The following PCDHA9 variants were observed in gnomAD, a reference collection of about 807,000 sequenced individuals.
The protein encoded by PCDHA9 is protocadherin alpha-9.
In PCDHA9, 62 loss-of-function variants were observed where a neutral mutation model predicts 62.0. That is an observed-to-expected ratio of 1.00 (90% CI 0.81 to 1.23). PCDHA9 has a LOEUF of 1.23. PCDHA9 is among the 50% of genes most tolerant of loss of function. The pLI, the probability that PCDHA9 is intolerant of heterozygous loss-of-function variation, is 0.00. For synonymous variants in PCDHA9, 557 were observed against 567.6 expected (o/e 0.98, Z 0.27); for missense variants, 1,205 against 1,249.8 (o/e 0.96, Z 0.54).
At chr5:140,894,066 A>G (rs997633914) in intron 1 of PCDHA9, among the ~76,000 whole-genome samples, 1 of 152,204 alleles carries the variant, frequency 6.6e-6, no homozygotes, top group Admixed American at 6.5e-5. Context: ...ATTTTTAAAT[A>G]CATTTATTTT....
intron 2 of PCDHA9, among the ~76,000 whole-genome samples, chr5:140,981,266 A>C (rs1355658823): frequency 6.6e-6 from 1 of 152,166 alleles, no homozygotes; most frequent in Non-Finnish European, 1.5e-5. Context: ...AAGATAAGCA[A>C]ATGTCTAGTT....
chr5:140,890,096 C>T (rs967857035), intron 1 of PCDHA9, among the ~76,000 whole-genome samples: 1 of 152,124 alleles, frequency 6.6e-6, no homozygotes, highest in Non-Finnish European at 1.5e-5. Flanking sequence ...AAATTTATTC[C>T]CAACTCTGGA....
intron 1 of PCDHA9, among the ~76,000 whole-genome samples, chr5:140,894,303 A>G (rs1386163832): frequency 2.0e-5 from 3 of 151,922 alleles, no homozygotes; most frequent in Admixed American, 6.6e-5. Context: ...TTTCCTGGAA[A>G]GTTTTCTTAA....
intron 1 of PCDHA9, among the ~76,000 whole-genome samples, chr5:140,923,218 TCG>T (rs1584297306): frequency 7.4e-6 from 1 of 135,282 alleles, no homozygotes; most frequent in Non-Finnish European, 1.7e-5. Flanking sequence ...GGTGAAAGGA[TCG>T]TTTGAGCCCA....
chr5:140,991,066 C>T (rs2097429810), intron 3 of PCDHA9, among the ~76,000 whole-genome samples: 2 of 152,122 alleles, frequency 1.3e-5, no homozygotes, highest in Non-Finnish European at 2.9e-5. Context: ...TTATTATTCC[C>T]ATGTTTCAGA....
chr5:140,870,356 G>C lies in PCDHA9; in HGVS notation c.2394+19467G>C, dbSNP rs17119218. On this transcript the variant is annotated intron_variant, in intron 1 of 3. Coordinates refer to ENST00000532602, the MANE Select transcript of PCDHA9 (RefSeq NM_031857.2). ...AGCGCCCTGGACCGCGAGAACGTGT[G>C]GGCCTATGAACTGGTGGTGACTGCG... 1,853 of 1,614,212 alleles carry C rather than the reference G, an allele frequency of 1.1e-3. 14 individuals are homozygous for C. In the African/African-American group the frequency reaches 0.018, roughly 16 times the overall value.
intron 1 of PCDHA9, among the ~76,000 whole-genome samples, chr5:140,976,851 T>C (rs1402328541): frequency 6.6e-6 from 1 of 152,206 alleles, no homozygotes; most frequent in African/African-American, 2.4e-5. Context: ...ATCCCTTTCA[T>C]AGAGTTTACT....
chr5:140,884,818 T>C (rs1298208791), intron 1 of PCDHA9: 1 of 1,050,614 alleles, frequency 9.5e-7, no homozygotes, highest in Non-Finnish European at 1.3e-6. Context: ...CTGTGGACAT[T>C]ATGTGTTGGA....
chr5:140,882,891 A>C, intron 1 of PCDHA9: 1 of 1,614,230 alleles, frequency 6.2e-7, no homozygotes, highest in East Asian at 2.2e-5. Flanking sequence ...ATTCAGGAAC[A>C]TAGTTTATTA....
chr5:140,886,753 G>A (rs1434667485), intron 1 of PCDHA9, among the ~76,000 whole-genome samples: 3 of 151,010 alleles, frequency 2.0e-5, no homozygotes, highest in African/African-American at 7.3e-5. Flanking sequence ...TTGAACCCGG[G>A]AGGTGGAGGT....
rs371795952 is a variant in PCDHA9 at position 140,857,797 on chromosome 5, G to T, written c.2394+6908G>T. ...CAGTCAGTGAGCTGGTGCTGCGGTC[G>T]GTGGTTGCGGGTCACGTGGTGGCTA... On this transcript the variant is annotated intron_variant, in intron 1 of 3. Transcript: ENST00000532602. 12 of 1,597,706 alleles carry T rather than the reference G, an allele frequency of 7.5e-6. 1 individual carries two copies. In the East Asian group the frequency reaches 1.6e-4, roughly 21 times the overall value.
At chr5:140,890,822 A>G (rs1044008204) in intron 1 of PCDHA9, among the ~76,000 whole-genome samples, 1 of 152,186 alleles carries the variant, frequency 6.6e-6, no homozygotes, top group Non-Finnish European at 1.5e-5. Context: ...TTTTAAATGT[A>G]CTTACATATT....
intron 1 of PCDHA9, chr5:140,877,890 T>C (rs1554170211): frequency 6.9e-7 from 1 of 1,458,078 alleles, no homozygotes; most frequent in Non-Finnish European, 9.0e-7. Flanking sequence ...AGAACTTCCG[T>C]TTAGGTTATA....
intron 1 of PCDHA9, among the ~76,000 whole-genome samples, chr5:140,900,051 C>G (rs1489382607): frequency 6.6e-6 from 1 of 152,168 alleles, no homozygotes; most frequent in African/African-American, 2.4e-5. Flanking sequence ...CTCAAGTGAT[C>G]CTTTAACCTC....
In PCDHA9 at chr5:140,858,521, A is replaced by G. The variant is rs782589492; in HGVS notation, c.2394+7632A>G. On this transcript the variant is annotated intron_variant, in intron 1 of 3. Transcript: ENST00000532602. Reference sequence around the variant, plus strand: ...CATTTTCTCAAATATGTATCAGAATATTTCATTTTTGTCTACATTCCATTT... The same window carrying G: ...CATTTTCTCAAATATGTATCAGAATGTTTCATTTTTGTCTACATTCCATTT... 1.4e-6 allele frequency: 2 copies of G among 1,420,880 alleles called. 1 individual carries two copies. Among genetic ancestry groups the G allele is most frequent in the Non-Finnish European group, 1.9e-6 (2 of 1,028,816 alleles). 88.0% of individuals were successfully genotyped at this position (1,420,880 alleles called of 1,614,324 possible).
chr5:140,926,665 G>C, intron 1 of PCDHA9: 1 of 538,906 alleles, frequency 1.9e-6, no homozygotes, highest in Non-Finnish European at 2.9e-6. Context: ...TTTCCCAGAC[G>C]GCTGCCCAGC....
intron 1 of PCDHA9, among the ~76,000 whole-genome samples, chr5:140,911,105 G>A (rs960375597): frequency 3.2e-4 from 48 of 152,082 alleles, no homozygotes; most frequent in African/African-American, 1.2e-3. Flanking sequence ...CTGCCTCAGG[G>A]GAAGCCATCA....
intron 1 of PCDHA9, chr5:140,882,076 G>A: frequency 1.1e-6 from 1 of 920,546 alleles, no homozygotes. Flanking sequence ...TGCGCATGGT[G>A]TCGCTCTTCA....
chr5:140,882,453 G>A, intron 1 of PCDHA9: 3 of 1,614,042 alleles, frequency 1.9e-6, no homozygotes, highest in Non-Finnish European at 2.5e-6. Flanking sequence ...CTGGTGCCGC[G>A]CCTGTTCCGG....
Sources: gnomAD v4.1 joint callset for allele counts (sites outside exome capture counted in the v4.1 genomes callset) on GRCh38, gnomAD v4.1.1 for gene constraint, MANE v1.5 for transcripts, NCBI Gene and HGNC (gene_info 2026-07-23, HGNC 2026-07-21) for gene names.